Variants in LSS observed in about 807,000 individuals in gnomAD.
The protein encoded by LSS is 2,3-epoxysqualene-lanosterol cyclase.
A neutral mutation model predicts 110.3 loss-of-function variants in LSS; 90 were observed. The observed-to-expected ratio is 0.82, with a 90% confidence interval of 0.69 to 0.97. The LOEUF is 0.97. LSS is among the 50% of genes least tolerant of loss of function. LSS has a pLI of 0.00. For missense variants in LSS, 927 were observed against 990.0 expected (o/e 0.94, Z 0.85); for synonymous variants, 433 against 400.0 (o/e 1.08, Z -0.98).
rs2079764544 is a variant in LSS, at chr21:46,188,758, G to T, written c.*2346C>A. On this transcript the variant is annotated 3_prime_UTR_variant, in exon 22 of 22. Transcript: ENST00000397728. ...TGAAGGCAGGGATACTGACACTGAA[G>T]TCCTGCCTGTGTAATAACACCGAAG... 2 of 471,290 alleles carry T rather than the reference G, an allele frequency of 4.2e-6. No homozygotes were observed. Among genetic ancestry groups the T allele is most frequent in the Non-Finnish European group, 8.8e-6 (2 of 227,116 alleles). The allele number at this position is 471,290 out of a possible 1,614,324, so 29.2% of individuals were successfully genotyped here. A position where few individuals can be genotyped will look rare whatever the true frequency, so the allele number is the denominator to read the frequency against.
At position 46,196,185 on chromosome 21, in the gene LSS, A is replaced by G. The variant is rs377365281; in HGVS notation, c.1736+17T>C. On this transcript the variant is annotated intron_variant, in intron 18 of 21. Transcript: ENST00000397728. ...GATCCCGTGCATCTCTGCACTCACG[A>G]GTGGAGGCTCACTCACCCTTCCCAG... 3.7e-6 allele frequency: 6 copies of G among 1,613,292 alleles called. No homozygotes were observed. The African/African-American group carries it at 6.7e-5, about 18-fold the overall frequency.
rs769268938 is a variant in LSS, at chr21:46,209,608, C to T, written c.1212G>A (p.Arg404=). 2 of 1,594,252 alleles carry T rather than the reference C, an allele frequency of 1.3e-6. No individual in the cohort carries two copies. Among genetic ancestry groups the T allele is most frequent in the South Asian group, 2.3e-5 (2 of 87,494 alleles). ...TCTGCAGGCAGGACGAAAACTCGGGCCTGTGGTGCCCGCCCGCCTGGAAGA... is the reference window on the plus strand; with the variant it reads ...TCTGCAGGCAGGACGAAAACTCGGGTCTGTGGTGCCCGCCCGCCTGGAAGA... ...QALLEAGGHH[R]PEFSSCLQKA... Residue 404 remains arginine, a synonymous_variant, in exon 13 of 22, where the codon AGG becomes AGA. Transcript: ENST00000397728. This position sits in a 1 kb window ranked among gnomAD's most constrained non-coding sequence, Gnocchi z 4.4.
chr21:46,214,655 G>A (rs1000877568), intron 9 of LSS, among the ~76,000 whole-genome samples: 12 of 152,120 alleles, frequency 7.9e-5, no homozygotes, highest in Non-Finnish European at 1.5e-4. Flanking sequence ...AGCACAGCCC[G>A]GGAATTGCAC....
At chr21:46,198,413 G>A (rs1219957491) in intron 17 of LSS, among the ~76,000 whole-genome samples, 2 of 152,252 alleles carry the variant, frequency 1.3e-5, no homozygotes, top group Non-Finnish European at 2.9e-5. Context: ...ATCTATATAT[G>A]ATGAAAACTA....
intron 17 of LSS, among the ~76,000 whole-genome samples, chr21:46,203,762 C>A (rs940627913): frequency 3.9e-5 from 6 of 152,322 alleles, no homozygotes; most frequent in African/African-American, 1.2e-4. Context: ...TCCAAAAAAA[C>A]CACACCAGAA....
At chr21:46,191,272 C>A in intron 21 of LSS, 37 bp from the exon 22 acceptor site, 1 of 1,612,532 alleles carries the variant, frequency 6.2e-7, no homozygotes, top group South Asian at 1.1e-5. Flanking sequence ...AAAGGCTTCA[C>A]CAGTCAGCTG....
Position 46,215,765 on chromosome 21 carries a change from A to G in LSS, c.812T>C (p.Ile271Thr), listed in dbSNP as rs755049483. The G allele has an allele frequency of 3.1e-6, 5 of 1,612,398 alleles. No individual in the cohort carries two copies. In the East Asian group the frequency reaches 6.7e-5, roughly 22 times the overall value. ...QELYVEDFASIDWLAQRNNVA... is the reference protein window; with the variant it reads ...QELYVEDFASTDWLAQRNNVA... ...GTTGTTCCTCTGCGCCAGCCAGTCA[A>G]TGCTGGCGAAGTCCTCCACATAGAG... is the stretch of plus-strand genomic sequence containing the variant. The change falls in exon 8 of 22, where the codon ATT (isoleucine) becomes ACT (threonine). Residue 271 changes from isoleucine (I) to threonine (T), a missense_variant. By Grantham distance (89) the Ile-to-Thr change is moderately conservative. Coordinates refer to ENST00000397728, the MANE Select transcript of LSS (RefSeq NM_002340.6).
At chr21:46,198,849 A>AAAAAAAT (rs2079944292) in intron 17 of LSS, among the ~76,000 whole-genome samples, 1 of 151,800 alleles carries the variant, frequency 6.6e-6, no homozygotes, top group Non-Finnish European at 1.5e-5. Flanking sequence ...AAAAAAAAAA[A>AAAAAAAT]AAATCTAGAC....
At chr21:46,199,565 T>C (rs1023649968) in intron 17 of LSS, among the ~76,000 whole-genome samples, 1 of 152,222 alleles carries the variant, frequency 6.6e-6, no homozygotes, top group African/African-American at 2.4e-5. Context: ...GATAGCAACT[T>C]TATTCATAGT....
At position 46,188,875 on chromosome 21, in the gene LSS, T is replaced by C. The variant is rs940250962; in HGVS notation, c.*2229A>G. ...AAGTTCCTCCTATGTGGACATTGTA[T>C]CACGTTTATTTATCTTCCTGGATAT... On this transcript the variant is annotated 3_prime_UTR_variant, in exon 22 of 22. Coordinates refer to ENST00000397728, the MANE Select transcript of LSS (RefSeq NM_002340.6). 9.2e-6 allele frequency: 4 copies of C among 435,810 alleles called. No individual in the cohort carries two copies. Among genetic ancestry groups the C allele is most frequent in the African/African-American group, 8.2e-5 (4 of 48,840 alleles). The allele number at this position is 435,810 out of a possible 1,614,324, so 27.0% of individuals were successfully genotyped here. A position where few individuals can be genotyped will look rare whatever the true frequency, so the allele number is the denominator to read the frequency against.
At position 46,206,785 on chromosome 21, in the gene LSS, C is replaced by G; in HGVS notation, c.1468-17G>C. The stretch of plus-strand genomic sequence containing the variant: ...GTTCAGCAGCTGAAATCACAGAGAG[C>G]ACCCTAGAACTCGCCCATGTGCTGA... On this transcript the variant is annotated splice_polypyrimidine_tract_variant and intron_variant, in intron 15 of 21. Coordinates refer to ENST00000397728, the MANE Select transcript of LSS (RefSeq NM_002340.6). The G allele has an allele frequency of 1.3e-6, 2 of 1,595,788 alleles. No individual in the cohort carries two copies. The highest frequency in any genetic ancestry group is 1.3e-5 in the African/African-American group (1 of 74,768).
chr21:46,202,860 G>C (rs763652662), intron 17 of LSS, among the ~76,000 whole-genome samples: 1 of 152,222 alleles, frequency 6.6e-6, no homozygotes, highest in Non-Finnish European at 1.5e-5. Flanking sequence ...CTAGGTAACA[G>C]AGTGAGACCC....
intron 3 of LSS, among the ~76,000 whole-genome samples, chr21:46,223,512 G>A (rs548310466): frequency 2.6e-5 from 4 of 152,170 alleles, no homozygotes; most frequent in South Asian, 2.1e-4. Flanking sequence ...CTGTGTGGGC[G>A]GCAAGCCACC....
chr21:46,215,544 G>A (rs1379691376), intron 8 of LSS, 141 bp downstream of exon 8: 2 of 644,570 alleles, frequency 3.1e-6, no homozygotes, highest in South Asian at 3.8e-5. Context: ...TGGAGGGGCA[G>A]GGCGATGAGA....
In LSS at chr21:46,216,383, T is replaced by G; in HGVS notation, c.783+6A>C. On this transcript the variant is annotated splice_donor_region_variant and intron_variant, in intron 7 of 21. Transcript: ENST00000397728. This position sits in a 1 kb window ranked among gnomAD's most constrained non-coding sequence, Gnocchi z 4.2. ...GCCTTCACTTTGTTCCCTGATGAGG[T>G]CCTACCTGGCGGAGGCTCTGGACCA... The G allele has an allele frequency of 6.2e-7, 1 of 1,613,644 alleles. No individual in the cohort carries two copies. The highest frequency in any genetic ancestry group is 8.5e-7 in the Non-Finnish European group (1 of 1,179,988).
At chr21:46,197,914 C>CT (rs1335954196) in intron 17 of LSS, among the ~76,000 whole-genome samples, 1 of 151,340 alleles carries the variant, frequency 6.6e-6, no homozygotes, top group Non-Finnish European at 1.5e-5. Flanking sequence ...CAAAAAACAA[C>CT]TGAGAAACTG....
chr21:46,222,043 TC>T, intron 4 of LSS, 68 bp from the exon 5 acceptor site: 1 of 1,577,194 alleles, frequency 6.3e-7, no homozygotes, highest in Non-Finnish European at 8.7e-7. Flanking sequence ...AGCAAAACTT[TC>T]TGTGGAGTTT....
At chr21:46,206,164 C>T (rs2080046246) in intron 16 of LSS, among the ~76,000 whole-genome samples, 1 of 152,222 alleles carries the variant, frequency 6.6e-6, no homozygotes, top group Admixed American at 6.5e-5. Flanking sequence ...CGACCCCACC[C>T]CAAAAAGCCA....
rs1027173297 is a variant in LSS at position 46,189,621 on chromosome 21, CT to C, written c.*1482del. The C allele has an allele frequency of 2.2e-6, 1 of 455,032 alleles. No individual in the cohort carries two copies. Among genetic ancestry groups the C allele is most frequent in the African/African-American group, 2.0e-5 (1 of 50,194 alleles). The allele number at this position is 455,032 out of a possible 1,614,324, so 28.2% of individuals were successfully genotyped here. A position where few individuals can be genotyped will look rare whatever the true frequency, so the allele number is the denominator to read the frequency against. Reference sequence around the variant, plus strand: ...TGCACACCAAGGCAGAGGGGTGCCCCTGAAGGACTCTGGGCAGGCAATGACA... The same window carrying C: ...TGCACACCAAGGCAGAGGGGTGCCCCGAAGGACTCTGGGCAGGCAATGACA... On this transcript the variant is annotated 3_prime_UTR_variant, in exon 22 of 22. Coordinates refer to ENST00000397728, the MANE Select transcript of LSS (RefSeq NM_002340.6).
Sources: gnomAD v4.1 joint callset for allele counts (sites outside exome capture counted in the v4.1 genomes callset) on GRCh38, gnomAD v4.1.1 for gene constraint, Gnocchi (gnomAD v3.1) non-coding constraint, MANE v1.5 for transcripts, NCBI Gene and HGNC (gene_info 2026-07-23, HGNC 2026-07-21) for gene names.